ZNF682: variants seen among roughly 807,000 people sequenced by gnomAD.
ZNF682 encodes zinc finger protein 682.
ZNF682 carries 29 observed loss-of-function variants against 36.5 expected under a neutral mutation model. The observed-to-expected ratio is 0.80, with a 90% CI of 0.59 to 1.08. ZNF682 has a LOEUF of 1.08. ZNF682 is among the 50% of genes least tolerant of loss of function. The pLI is 0.00. For synonymous variants in ZNF682, 180 were observed against 197.0 expected, an observed-to-expected ratio of 0.91 and a Z score of 0.72; for missense variants, 561 against 579.7, an observed-to-expected ratio of 0.97 and a Z score of 0.33.
chr19:20,009,321 G>C (rs1198119254), intron 3 of ZNF682, among the ~76,000 whole-genome samples: 1 of 152,000 alleles, frequency 6.6e-6, no homozygotes, highest in Non-Finnish European at 1.5e-5. Context: ...TCAGAAGATA[G>C]TAAAGAAAAA....
Position 20,022,665 on chromosome 19 carries a change from C to CAAA in ZNF682, c.226+336_226+338dup, listed in dbSNP as rs1202381448. Among the ~76,000 whole-genome samples, 756 of 149,710 alleles carry CAAA rather than the reference C, an allele frequency of 5.0e-3. 7 individuals are homozygous for CAAA. The highest frequency in any genetic ancestry group is 7.0e-3 in the Middle Eastern group (2 of 284). On this transcript the variant is annotated intron_variant, in intron 3 of 3. Transcript: ENST00000397165. The stretch of plus-strand genomic sequence containing the variant: ...GCAACACGAGCGAAACTCTCTCTCT[C>CAAA]AAAAAAAAGAAAAAAATAGTTTAAC...
rs533319567 is a variant in ZNF682, at chr19:20,005,227, C to T, written c.*778G>A. ...AGTAGCTGGGACTACAGGCACCCGACAACATGCCCAGCTAATTTTTTGTAT... is the reference window on the plus strand; with the variant it reads ...AGTAGCTGGGACTACAGGCACCCGATAACATGCCCAGCTAATTTTTTGTAT... On this transcript the variant is annotated 3_prime_UTR_variant, in exon 4 of 4. Coordinates refer to ENST00000397165, the MANE Select transcript of ZNF682 (RefSeq NM_033196.3). 6.6e-5 allele frequency: 10 copies of T among 152,120 alleles called. No individual in the cohort carries two copies. The highest frequency in any genetic ancestry group is 1.9e-4 in the African/African-American group (8 of 41,404). 9.4% of individuals were successfully genotyped at this position (152,120 alleles called of 1,614,324 possible).
rs772386581 is a variant in ZNF682 at position 20,006,009 on chromosome 19, G to T, written c.1493C>A (p.Thr498Lys). The T allele has an allele frequency of 1.3e-6, 2 of 1,570,652 alleles. No homozygotes were observed. The highest frequency in any genetic ancestry group is 4.5e-5 in the East Asian group (2 of 44,276). The change falls in exon 4 of 4, where the codon ACG becomes AAG. Residue 498 changes from threonine (T) to lysine (K), a missense_variant. Transcript: ENST00000397165. The part of the protein sequence containing the change: ...EAFNHCSNLT[T>K] ...ATTTCTCTTTAGTAAAAATTCTTAC[G>T]TAGTAAGGTTTGAGCAGTGATTAAA...
intron 3 of ZNF682, among the ~76,000 whole-genome samples, chr19:20,022,257 G>T (rs947784293): frequency 6.6e-6 from 1 of 151,738 alleles, no homozygotes; most frequent in Admixed American, 6.6e-5. Flanking sequence ...TCTGTTTGTG[G>T]TGTTACTGGG....
Position 20,006,419 on chromosome 19 carries a change from T to C in ZNF682, c.1083A>G (p.Val361=), listed in dbSNP as rs757782010. Residue 361 remains valine, a synonymous_variant, in exon 4 of 4, where the codon GTA becomes GTG. Transcript: ENST00000397165. ...TGTAGGGTTTCTCTCCGCTATGAAT[T>C]ACCTTATGTTCAGTAAGAATTGATG... ...NSSSILTEHK[V]IHSGEKPYKC... 3.1e-6 allele frequency: 5 copies of C among 1,613,596 alleles called. No homozygotes were observed. The African/African-American group carries it at 6.7e-5, about 22-fold the overall frequency.
chr19:20,000,113 G>A (rs1176297856), downstream of ZNF682, among the ~76,000 whole-genome samples: 1 of 152,220 alleles, frequency 6.6e-6, no homozygotes, highest in Non-Finnish European at 1.5e-5. Context: ...TGGGAGAGGA[G>A]GCTGAGTAAT....
At chr19:20,025,614 T>C (rs1342745631) in intron 1 of ZNF682, among the ~76,000 whole-genome samples, 1 of 151,498 alleles carries the variant, frequency 6.6e-6, no homozygotes, top group Non-Finnish European at 1.5e-5. Context: ...GAGGCGGAGA[T>C]TGCAGTGAGC....
intron 1 of ZNF682, among the ~76,000 whole-genome samples, chr19:20,025,670 C>T (rs1325911992): frequency 1.3e-5 from 2 of 149,146 alleles, no homozygotes; most frequent in Non-Finnish European, 3.0e-5. Context: ...GTGCGAGACT[C>T]CATCTCAAAA....
Position 20,005,716 on chromosome 19 carries a change from G to A in ZNF682, c.*289C>T, listed in dbSNP as rs1476210109. ...ACATCTTTCCACAGATAAATGTAAT[G>A]TGTATCATTACACTTACATTGCTTT... On this transcript the variant is annotated 3_prime_UTR_variant, in exon 4 of 4. Transcript: ENST00000397165. 7 of 368,602 alleles carry A rather than the reference G, an allele frequency of 1.9e-5. No homozygotes were observed. Among genetic ancestry groups the A allele is most frequent in the African/African-American group, 1.0e-4 (5 of 48,638 alleles). 22.8% of individuals were successfully genotyped at this position (368,602 alleles called of 1,614,324 possible).
At chr19:20,024,401 G>C (rs570104432) in intron 1 of ZNF682, 25 bp from the exon 2 acceptor site, 1 of 1,595,878 alleles carries the variant, frequency 6.3e-7, no homozygotes, top group African/African-American at 1.4e-5. Flanking sequence ...AAAACATAGT[G>C]ACCAACTGTC....
intron 1 of ZNF682, among the ~76,000 whole-genome samples, chr19:20,032,103 G>A (rs2088484465): frequency 6.6e-6 from 1 of 152,172 alleles, no homozygotes; most frequent in African/African-American, 2.4e-5. Context: ...TCATTTTAAT[G>A]TCTCTCTGAG....
At chr19:19,997,093 G>C (rs984420714) in exon 4 of ZNF682, 5 of 395,006 alleles carry the variant, frequency 1.3e-5, no homozygotes, top group African/African-American at 8.3e-5. Flanking sequence ...CCAGAATAGT[G>C]GCAGCTCTGC....
chr19:20,039,473 G>A lies in ZNF682; in HGVS notation c.-128C>T. 7.7e-7 allele frequency: 1 copy of A among 1,292,702 alleles called. No homozygotes were observed. Among genetic ancestry groups the A allele is most frequent in the African/African-American group, 1.5e-5 (1 of 68,502 alleles). The allele number at this position is 1,292,702 out of a possible 1,614,324, so 80.1% of individuals were successfully genotyped here. A position where few individuals can be genotyped will look rare whatever the true frequency, so the allele number is the denominator to read the frequency against. ...CAGAGGATACTAAGCAATGAAGATG[G>A]ACCCTGAGCTCTGGCTGGAGCGAGA... is the stretch of plus-strand genomic sequence containing the variant. On this transcript the variant is annotated 5_prime_UTR_variant, in exon 1 of 4. Transcript: ENST00000397165.
At chr19:19,995,267 A>T (rs568568512), downstream of ZNF682, among the ~76,000 whole-genome samples, 49 of 152,352 alleles carry the variant, frequency 3.2e-4, 1 homozygote, top group South Asian at 9.5e-3. Context: ...AGAATGGAAA[A>T]GGTTTACACT....
At chr19:20,036,511 C>A (rs991876599) in intron 1 of ZNF682, among the ~76,000 whole-genome samples, 3 of 146,240 alleles carry the variant, frequency 2.1e-5, no homozygotes, top group Non-Finnish European at 3.0e-5. Flanking sequence ...GAGGCTGAGG[C>A]AGGAGAATTG....
chr19:20,015,085 TAA>T (rs1435216988), intron 3 of ZNF682: 12 of 565,214 alleles, frequency 2.1e-5, no homozygotes, highest in Non-Finnish European at 2.7e-5. Context: ...TGAAAATATT[TAA>T]GATTCTAAAT....
At chr19:20,026,281 C>T (rs150984222) in intron 1 of ZNF682, among the ~76,000 whole-genome samples, 1,791 of 147,378 alleles carry the variant, frequency 0.012, 17 homozygotes, top group South Asian at 0.035. Flanking sequence ...CCAGCCTGGG[C>T]GACAGAGCGA....
Position 20,006,304 on chromosome 19 carries a change from C to G in ZNF682, c.1198G>C (p.Glu400Gln). 1 of 1,613,556 alleles carries G rather than the reference C, an allele frequency of 6.2e-7. No individual in the cohort carries two copies. Among genetic ancestry groups the G allele is most frequent in the Non-Finnish European group, 8.5e-7 (1 of 1,179,966 alleles). Residue 400 changes from glutamate to glutamine, a missense_variant, in exon 4 of 4, where the codon GAA becomes CAA. Physicochemically the swap from Glu to Gln is conservative, Grantham distance 29. Transcript: ENST00000397165. ...IHTGEKPYKC[E>Q]ECGKAFNWSS... is the part of the protein sequence containing the mutation. ...CAGTTAAAAGCTTTGCCACATTCTT[C>G]ACATTTGTAGGGTTTCTCTCCAGTG...
Position 20,024,326 on chromosome 19 carries a change from C to A in ZNF682, c.54G>T (p.Trp18Cys), listed in dbSNP as rs764691004. 6.8e-6 allele frequency: 11 copies of A among 1,613,736 alleles called. No individual in the cohort carries two copies. In the South Asian group the frequency reaches 1.2e-4, roughly 18 times the overall value. The change falls in exon 2 of 4, where the codon TGG becomes TGT. Residue 18 changes from tryptophan to cysteine, a missense_variant. By Grantham distance (215) the Trp-to-Cys change is radical. Coordinates refer to ENST00000397165, the MANE Select transcript of ZNF682 (RefSeq NM_033196.3). ...DVTIEFSLEEWEFLNPAQQSL... is the reference protein window; with the variant it reads ...DVTIEFSLEECEFLNPAQQSL... The stretch of plus-strand genomic sequence containing the variant: ...TCTGCTGAGCAGGGTTCAGAAACTC[C>A]CACTCCTCCAGAGAGAATTCTATGG...
Sources: allele counts gnomAD v4.1 joint callset (sites outside exome capture counted in the v4.1 genomes callset), GRCh38; gene constraint gnomAD v4.1.1; transcripts MANE v1.5; gene names NCBI Gene and HGNC (gene_info 2026-07-23, HGNC 2026-07-21).